The following STAM variants were observed in gnomAD, a reference collection of about 807,000 sequenced individuals.
The protein encoded by STAM is signal transducing adaptor molecule.
STAM carries 16 observed loss-of-function variants against 63.4 expected under a neutral mutation model. That is an observed-to-expected ratio of 0.25 (90% CI 0.17 to 0.38). The LOEUF (loss-of-function observed/expected upper bound fraction) is 0.38, where lower values mean the gene tolerates loss of function less well. Ranked by LOEUF, STAM falls within the 10% of genes least tolerant of loss-of-function variation. The probability of loss-of-function intolerance (pLI) is 1.00; values close to 1 mark genes in which losing one functional copy is unlikely to be tolerated. For synonymous variants in STAM, 238 were observed against 223.9 expected (o/e 1.06, Z -0.56); for missense variants, 636 against 657.1 (o/e 0.97, Z 0.35).
chr10:17,696,840 C>G lies in STAM; in HGVS notation c.794C>G (p.Thr265Ser). The change falls in exon 8 of 14, where the codon ACT (threonine) becomes AGT (serine). Residue 265 changes from threonine (T) to serine (S), a missense_variant. Around this residue, in one of 3 missense-constraint regions of STAM, gnomAD observed 532 missense variants for 536.9 expected, o/e 0.99. Coordinates refer to ENST00000377524, the MANE Select transcript of STAM (RefSeq NM_003473.4). ...GIGLFPSNFV[T>S]ADLTAEPEMI... is the part of the protein sequence containing the mutation. ...GGGTTATTTCCTTCTAATTTTGTGACTGCAGATCTCACTGCTGAACCAGAA... is the reference window on the plus strand; with the variant it reads ...GGGTTATTTCCTTCTAATTTTGTGAGTGCAGATCTCACTGCTGAACCAGAA... The G allele has an allele frequency of 1.2e-6, 2 of 1,613,952 alleles. No individual in the cohort carries two copies. Among genetic ancestry groups the G allele is most frequent in the Non-Finnish European group, 1.7e-6 (2 of 1,179,786 alleles).
At chr10:17,677,617 C>T (rs1351546592) in intron 2 of STAM, among the ~76,000 whole-genome samples, 2 of 152,262 alleles carry the variant, frequency 1.3e-5, no homozygotes, top group African/African-American at 4.8e-5. Context: ...TTTCTTCAGT[C>T]TAATGATGCT....
At chr10:17,656,292 T>TCA (rs1554822139) in intron 1 of STAM, among the ~76,000 whole-genome samples, 2,461 of 134,344 alleles carry the variant, frequency 0.018, 33 homozygotes, top group Middle Eastern at 0.027. Flanking sequence ...AGACTCCGTC[T>TCA]TAAAAAAAAA....
intron 1 of STAM, among the ~76,000 whole-genome samples, 163 bp from the exon 2 acceptor site, chr10:17,660,301 G>A (rs542200759): frequency 8.5e-5 from 13 of 152,130 alleles, no homozygotes; most frequent in Admixed American, 5.2e-4. Context: ...GATAATGAGC[G>A]TACATCTTTT....
At chr10:17,712,267 G>C (rs977464989) in intron 13 of STAM, among the ~76,000 whole-genome samples, 1 of 152,114 alleles carries the variant, frequency 6.6e-6, no homozygotes, top group African/African-American at 2.4e-5. Context: ...GAGACAAAAC[G>C]GAAGTCCCAC....
At chr10:17,660,332 C>G (rs1834114805) in intron 1 of STAM, 132 bp from the exon 2 acceptor site, 3 of 533,602 alleles carry the variant, frequency 5.6e-6, no homozygotes, top group Non-Finnish European at 9.7e-6. Context: ...ATGAAAATAA[C>G]TAGAATGCTG....
At chr10:17,676,838 T>G (rs1055688756) in intron 2 of STAM, among the ~76,000 whole-genome samples, 4 of 152,116 alleles carry the variant, frequency 2.6e-5, no homozygotes, top group Non-Finnish European at 4.4e-5. Flanking sequence ...CCCAAACCTT[T>G]TTAAAAAGTA....
intron 2 of STAM, among the ~76,000 whole-genome samples, chr10:17,669,277 T>G (rs1392214121): frequency 6.6e-6 from 1 of 152,100 alleles, no homozygotes; most frequent in Non-Finnish European, 1.5e-5. Flanking sequence ...CCCGTTGGTA[T>G]GTGTCTAAAC....
Position 17,714,888 on chromosome 10 carries a change from C to A in STAM, c.*108C>A. 9.2e-7 allele frequency: 1 copy of A among 1,088,642 alleles called. No homozygotes were observed. The highest frequency in any genetic ancestry group is 1.4e-6 in the Non-Finnish European group (1 of 724,420). 67.4% of individuals were successfully genotyped at this position (1,088,642 alleles called of 1,614,324 possible). The stretch of plus-strand genomic sequence containing the variant: ...TTATCCTCAGCTTATAGGAATCTCT[C>A]CAGGTCAACAGGTTCAAATATTCAA... On this transcript the variant is annotated 3_prime_UTR_variant, in exon 14 of 14. Coordinates refer to ENST00000377524, the MANE Select transcript of STAM (RefSeq NM_003473.4).
At chr10:17,676,742 A>G (rs1412541071) in intron 2 of STAM, among the ~76,000 whole-genome samples, 1 of 152,186 alleles carries the variant, frequency 6.6e-6, no homozygotes, top group Non-Finnish European at 1.5e-5. Flanking sequence ...AATGAATTAT[A>G]TAGACACCAT....
At chr10:17,653,473 T>C (rs1833819949) in intron 1 of STAM, among the ~76,000 whole-genome samples, 1 of 152,184 alleles carries the variant, frequency 6.6e-6, no homozygotes, top group Non-Finnish European at 1.5e-5. Flanking sequence ...CTGATGTATT[T>C]GGAGGGTGAT....
chr10:17,656,059 C>T (rs1833925857), intron 1 of STAM, among the ~76,000 whole-genome samples: 2 of 151,810 alleles, frequency 1.3e-5, no homozygotes, highest in Admixed American at 1.3e-4. Flanking sequence ...CTTTGGGAGG[C>T]CAAGGTGGGT....
At chr10:17,672,296 CCATT>C (rs1369167604) in intron 2 of STAM, among the ~76,000 whole-genome samples, 1 of 152,100 alleles carries the variant, frequency 6.6e-6, no homozygotes, top group East Asian at 1.9e-4. Flanking sequence ...TTACTGTGGG[CCATT>C]CAAAGACATT....
At chr10:17,645,636 A>G (rs902338894) in intron 1 of STAM, among the ~76,000 whole-genome samples, 2 of 152,044 alleles carry the variant, frequency 1.3e-5, no homozygotes, top group Admixed American at 6.5e-5. Context: ...TTTTTGTTCC[A>G]CCTTAAATGA....
In STAM at chr10:17,708,210, A is replaced by G. The variant is rs537102891; in HGVS notation, c.1210-566A>G. 4.6e-5 allele frequency among the ~76,000 whole-genome samples: 7 copies of G among 152,310 alleles called. No individual in the cohort carries two copies. In the South Asian group the frequency reaches 1.5e-3, roughly 32 times the overall value. On this transcript the variant is annotated intron_variant, in intron 12 of 13. Transcript: ENST00000377524. Reference sequence around the variant, plus strand: ...TGGCGGCTTTAAATAAACTTTTATCAGAACACAGCCACTCTGATTTACTGA... The same window carrying G: ...TGGCGGCTTTAAATAAACTTTTATCGGAACACAGCCACTCTGATTTACTGA...
chr10:17,698,387 C>T (rs1321221524), intron 8 of STAM, among the ~76,000 whole-genome samples: 1 of 149,860 alleles, frequency 6.7e-6, no homozygotes, highest in African/African-American at 2.4e-5. Context: ...AAGATAAGGT[C>T]AAGGATCTCA....
At chr10:17,689,938 T>A (rs1835457965) in intron 5 of STAM, among the ~76,000 whole-genome samples, 1 of 152,232 alleles carries the variant, frequency 6.6e-6, no homozygotes, top group Non-Finnish European at 1.5e-5. Context: ...TCAGTGCAAG[T>A]GAAAACTGCG....
chr10:17,675,835 G>A (rs902153477), intron 2 of STAM, among the ~76,000 whole-genome samples: 2 of 151,832 alleles, frequency 1.3e-5, no homozygotes, highest in Admixed American at 6.6e-5. Flanking sequence ...TTTTTATGGC[G>A]GTGATTCACC....
chr10:17,655,926 G>GT (rs1334559922), intron 1 of STAM, among the ~76,000 whole-genome samples: 19 of 150,802 alleles, frequency 1.3e-4, no homozygotes, highest in Non-Finnish European at 2.2e-4. Flanking sequence ...TTTTTTTAAA[G>GT]TTTTTTTTCC....
intron 13 of STAM, among the ~76,000 whole-genome samples, chr10:17,713,548 C>A (rs1166078899): frequency 1.3e-5 from 2 of 151,322 alleles, no homozygotes; most frequent in Admixed American, 6.6e-5. Context: ...TCATAGTATT[C>A]TGAAAATCAG....
Sources: gnomAD v4.1 joint callset for allele counts (sites outside exome capture counted in the v4.1 genomes callset) on GRCh38, gnomAD v4.1.1 for gene constraint, gnomAD v4.1.1 regional missense constraint, MANE v1.5 for transcripts, NCBI Gene and HGNC (gene_info 2026-07-23, HGNC 2026-07-21) for gene names.